The following WDR59 variants were observed in gnomAD, a reference collection of about 807,000 sequenced individuals.
WDR59 encodes WD repeat domain 59.
In WDR59, 100 loss-of-function variants were observed where a neutral mutation model predicts 131.2. The observed-to-expected ratio is 0.76, with a 90% CI of 0.65 to 0.90. WDR59 has a LOEUF of 0.90. WDR59 is among the 40% of genes least tolerant of loss of function. The pLI, the probability that WDR59 is intolerant of heterozygous loss-of-function variation, is 0.00. For synonymous variants in WDR59, 601 were observed against 466.2 expected, an observed-to-expected ratio of 1.29 and a Z score of -3.72; for missense variants, 1,203 against 1,262.2, an observed-to-expected ratio of 0.95 and a Z score of 0.71.
chr16:74,981,386 C>CA (rs200624384), intron 1 of WDR59, among the ~76,000 whole-genome samples: 24 of 116,798 alleles, frequency 2.1e-4, no homozygotes, highest in Non-Finnish European at 2.8e-4. Context: ...AAAAAAAAAA[C>CA]AAAAAAAACA....
intron 1 of WDR59, among the ~76,000 whole-genome samples, chr16:74,971,700 A>C (rs754468477): frequency 2.6e-5 from 4 of 151,896 alleles, no homozygotes; most frequent in Non-Finnish European, 4.4e-5. Flanking sequence ...CCCAAAGTGC[A>C]GGGATTACAG....
In WDR59 at chr16:74,914,331, C is replaced by T. The variant is rs564588133; in HGVS notation, c.1224+1539G>A. On this transcript the variant is annotated intron_variant, in intron 13 of 25. Transcript: ENST00000262144. The stretch of plus-strand genomic sequence containing the variant: ...TAGATCACTAGGTATCCACACTGTC[C>T]TCAAATGGGACAAAGGGAGTATAAA... 1.7e-3 allele frequency among the ~76,000 whole-genome samples: 252 copies of T among 152,262 alleles called. 6 individuals carry two copies. In the South Asian group the frequency reaches 0.05, roughly 30 times the overall value.
At chr16:74,939,500 A>G (rs1204904985) in intron 7 of WDR59, among the ~76,000 whole-genome samples, 8 of 152,192 alleles carry the variant, frequency 5.3e-5, no homozygotes. Flanking sequence ...GTTAAATGAA[A>G]AAAAAGTGTA....
At chr16:74,876,145 G>C (rs568056245) in intron 25 of WDR59, among the ~76,000 whole-genome samples, 13 of 152,170 alleles carry the variant, frequency 8.5e-5, no homozygotes, top group African/African-American at 2.9e-4. Context: ...ATGACAACTG[G>C]TGGTCAGAAA....
intron 8 of WDR59, among the ~76,000 whole-genome samples, chr16:74,929,958 C>T (rs569812923): frequency 1.3e-5 from 2 of 152,242 alleles, no homozygotes; most frequent in African/African-American, 4.8e-5. Flanking sequence ...TGTTCTCACT[C>T]ATTTGTGGGA....
chr16:74,941,070 A>G (rs1041156640), intron 7 of WDR59, among the ~76,000 whole-genome samples: 2 of 151,796 alleles, frequency 1.3e-5, no homozygotes, highest in African/African-American at 4.8e-5. Flanking sequence ...GAAGGCCAGG[A>G]GCAGTGGCTC....
At chr16:74,946,238 A>G (rs1292871666) in intron 6 of WDR59, among the ~76,000 whole-genome samples, 1 of 152,226 alleles carries the variant, frequency 6.6e-6, no homozygotes, top group Non-Finnish European at 1.5e-5. Flanking sequence ...TTATGTATGT[A>G]CAGAAAAGAA....
At chr16:74,965,668 T>C (rs1157968519) in intron 2 of WDR59, 105 bp downstream of exon 2, 6 of 1,385,876 alleles carry the variant, frequency 4.3e-6, no homozygotes, top group African/African-American at 1.4e-5. Flanking sequence ...CTAAACCCTA[T>C]GATCATAATC....
chr16:74,924,482 ATAATGTGCAAGG>A (rs1320397623), intron 8 of WDR59, among the ~76,000 whole-genome samples: 1 of 152,248 alleles, frequency 6.6e-6, no homozygotes, highest in African/African-American at 2.4e-5. Flanking sequence ...AAGAAACGAC[ATAATGTGCAAGG>A]TCACAAAGAA....
chr16:74,961,286 G>C (rs1036681483), intron 2 of WDR59, among the ~76,000 whole-genome samples: 1 of 152,068 alleles, frequency 6.6e-6, no homozygotes, highest in African/African-American at 2.4e-5. Context: ...AGGCAACAGA[G>C]TGAAACCTTG....
At chr16:74,913,070 TG>T (rs56771975) in intron 13 of WDR59, among the ~76,000 whole-genome samples, 9,150 of 143,770 alleles carry the variant, frequency 0.064, 493 homozygotes, top group African/African-American at 0.17. Context: ...GGCTAGATTT[TG>T]GGGGGGGGGG....
chr16:74,963,432 C>T (rs1393054386), intron 2 of WDR59, among the ~76,000 whole-genome samples: 1 of 152,124 alleles, frequency 6.6e-6, no homozygotes, highest in Non-Finnish European at 1.5e-5. Context: ...AGATCATGTA[C>T]TTTGCAGGGA....
chr16:74,874,266 G>A lies in WDR59; in HGVS notation c.2868C>T (p.Thr956=), dbSNP rs1446847311. 1.9e-6 allele frequency: 3 copies of A among 1,614,162 alleles called. No homozygotes were observed. Among genetic ancestry groups the A allele is most frequent in the Admixed American group, 1.7e-5 (1 of 60,022 alleles). The change falls in exon 26 of 26, where the codon ACC becomes ACT. Residue 956 remains threonine, a synonymous_variant. Coordinates refer to ENST00000262144, the MANE Select transcript of WDR59 (RefSeq NM_030581.4). ...HTSHMMEWFR[T]QEVCPTGCGC... ...CACACCCGGTGGGACACACCTCCTG[G>A]GTCCGAAACCACTCCATCATGTGGC...
intron 25 of WDR59, among the ~76,000 whole-genome samples, chr16:74,883,175 C>A (rs141225540): frequency 6.6e-6 from 1 of 151,798 alleles, no homozygotes; most frequent in East Asian, 1.9e-4. Flanking sequence ...CAAGCACGCA[C>A]CACCACGCCC....
At position 74,903,818 on chromosome 16, in the gene WDR59, G is replaced by A. The variant is rs925922647; in HGVS notation, c.1866+129C>T. The A allele has an allele frequency of 2.3e-4, 279 of 1,209,028 alleles. 1 individual carries two copies. The highest frequency in any genetic ancestry group is 2.3e-4 in the Non-Finnish European group (207 of 882,082). 74.9% of individuals were successfully genotyped at this position (1,209,028 alleles called of 1,614,324 possible). Reference sequence around the variant, plus strand: ...AAAGGAACAAAGTAATGACTTTCTTGAACAAACTGATTACGAAAGTGAAAG... The same window carrying A: ...AAAGGAACAAAGTAATGACTTTCTTAAACAAACTGATTACGAAAGTGAAAG... On this transcript the variant is annotated intron_variant, in intron 18 of 25. Transcript: ENST00000262144.
intron 18 of WDR59, among the ~76,000 whole-genome samples, chr16:74,902,273 G>C (rs976534030): frequency 2.0e-5 from 3 of 151,902 alleles, no homozygotes; most frequent in African/African-American, 7.3e-5. Context: ...TGTCTATTAC[G>C]GGGCTCGAAC....
intron 2 of WDR59, among the ~76,000 whole-genome samples, chr16:74,964,510 GA>G (rs2033687357): frequency 6.6e-6 from 1 of 152,094 alleles, no homozygotes; most frequent in Admixed American, 6.6e-5. Context: ...AGGTAGGAAG[GA>G]AATTTACTTT....
In WDR59 at chr16:74,912,217, A is replaced by T; in HGVS notation, c.1370T>A (p.Met457Lys). 6.2e-7 allele frequency: 1 copy of T among 1,614,162 alleles called. No individual in the cohort carries two copies. Among genetic ancestry groups the T allele is most frequent in the East Asian group, 2.2e-5 (1 of 44,888 alleles). Residue 457 changes from methionine to lysine, a missense_variant, in exon 14 of 26, where the codon ATG (methionine) becomes AAG (lysine). Coordinates refer to ENST00000262144, the MANE Select transcript of WDR59 (RefSeq NM_030581.4). ...CCCCACCTTCAGCAGCTTAGCTTTC[A>T]TGGTGGATGTGATGGTTGTGGGGTT... ...FINPTTITST[M>K]KAKLLKILKD...
At chr16:74,904,959 G>A (rs2869880) in intron 17 of WDR59, among the ~76,000 whole-genome samples, 53,994 of 152,050 alleles carry the variant, frequency 0.36, 9,673 homozygotes, top group African/African-American at 0.39. Context: ...AAAATAAAAC[G>A]AACTTTGACC....
Sources: gnomAD v4.1 joint callset for allele counts (sites outside exome capture counted in the v4.1 genomes callset) on GRCh38, gnomAD v4.1.1 for gene constraint, MANE v1.5 for transcripts, NCBI Gene and HGNC (gene_info 2026-07-23, HGNC 2026-07-21) for gene names.